The following TTF1 variants were observed in gnomAD, a reference collection of about 807,000 sequenced individuals.
TTF1 encodes the protein transcription termination factor 1.
In TTF1, 64 loss-of-function variants were observed where a neutral mutation model predicts 80.2. The ratio of observed to expected loss-of-function variants is 0.80; its 90% CI spans 0.65 to 0.98. The LOEUF (loss-of-function observed/expected upper bound fraction) is 0.98, where lower values mean the gene tolerates loss of function less well. Among genes scored for constraint, TTF1 ranks in the 50% least tolerant of loss-of-function variants. The probability of loss-of-function intolerance (pLI) is 0.00; values close to 1 mark genes in which losing one functional copy is unlikely to be tolerated. For synonymous variants in TTF1, 372 were observed against 382.7 expected, an observed-to-expected ratio of 0.97 and a Z score of 0.33; for missense variants, 1,023 against 1,086.2, an observed-to-expected ratio of 0.94 and a Z score of 0.82.
rs1171690548 is a variant in TTF1 at position 132,401,478 on chromosome 9, G to A, written c.1344C>T (p.Ser448=). The change falls in exon 2 of 11, where the codon AGC becomes AGT. Residue 448 remains serine, a synonymous_variant. Coordinates refer to ENST00000334270, the MANE Select transcript of TTF1 (RefSeq NM_007344.4). ...ACCTTGGCGCCTCTTGCACGTGCTT[G>A]CTTGCCAAACAGGCCTGGGTTTTCT... ...RQKKTQACLA[S]KHVQEAPRLE... is the part of the protein sequence containing the mutation. The A allele has an allele frequency of 1.2e-6, 2 of 1,612,116 alleles. No homozygotes were observed. The highest frequency in any genetic ancestry group is 1.7e-5 in the Admixed American group (1 of 59,682).
intron 5 of TTF1, among the ~76,000 whole-genome samples, chr9:132,394,211 A>C (rs949466264): frequency 1.3e-5 from 2 of 151,692 alleles, no homozygotes; most frequent in Non-Finnish European, 2.9e-5. Context: ...AAAAACAAAC[A>C]ATAACATCGG....
At chr9:132,391,630 G>GGACTGTCTTCT (rs1849560148) in intron 6 of TTF1, among the ~76,000 whole-genome samples, 2 of 152,186 alleles carry the variant, frequency 1.3e-5, no homozygotes. Flanking sequence ...AACCCGGTCA[G>GGACTGTCTTCT]GACTGTCTTC....
At chr9:132,382,122 G>C (rs1849380833) in intron 9 of TTF1, among the ~76,000 whole-genome samples, 1 of 152,230 alleles carries the variant, frequency 6.6e-6, no homozygotes, top group Non-Finnish European at 1.5e-5. Context: ...GATATCGAGA[G>C]TGGTGGGCCC....
In TTF1 at chr9:132,402,484, T is replaced by C. The variant is rs748936244; in HGVS notation, c.338A>G (p.Asn113Ser). Residue 113 changes from asparagine to serine, a missense_variant, in exon 2 of 11, where the codon AAC (asparagine) becomes AGC (serine). Physicochemically the swap from Asn to Ser is conservative, Grantham distance 46. Transcript: ENST00000334270. ...TVVLVDKENI[N>S]NTPKHFRKDV... is the part of the protein sequence containing the mutation. Reference sequence around the variant, plus strand: ...CTTTCTAAAATGCTTTGGTGTGTTGTTAATATTTTCTTTATCCACAAGGAC... The same window carrying C: ...CTTTCTAAAATGCTTTGGTGTGTTGCTAATATTTTCTTTATCCACAAGGAC... 3 of 1,614,210 alleles carry C rather than the reference T, an allele frequency of 1.9e-6. No individual in the cohort carries two copies. The highest frequency in any genetic ancestry group is 2.2e-5 in the South Asian group (2 of 91,078).
Position 132,398,209 on chromosome 9 carries a change from T to G in TTF1, c.1709A>C (p.Asp570Ala). 1 of 1,600,180 alleles carries G rather than the reference T, an allele frequency of 6.2e-7. No homozygotes were observed. The highest frequency in any genetic ancestry group is 1.8e-5 in the Admixed American group (1 of 55,036). Residue 570 changes from aspartate to alanine, a missense_variant, in exon 4 of 11, where the codon GAC (aspartate) becomes GCC (alanine). Transcript: ENST00000334270. The part of the protein sequence containing the change: ...IESADKLLYT[D>A]RYPEEKSVIT... ...CACAGATTTTTCCTCAGGATATCTG[T>G]CCGTGTACAGCAGCTTGTCTGCACT...
At position 132,401,683 on chromosome 9, in the gene TTF1, T is replaced by C; in HGVS notation, c.1139A>G (p.Lys380Arg). The C allele has an allele frequency of 6.2e-7, 1 of 1,614,266 alleles. No homozygotes were observed. The highest frequency in any genetic ancestry group is 8.5e-7 in the Non-Finnish European group (1 of 1,180,048). The change falls in exon 2 of 11, where the codon AAG (lysine) becomes AGG (arginine). Residue 380 changes from lysine (K) to arginine (R), a missense_variant. Physicochemically the swap from Lys to Arg is conservative, Grantham distance 26. Transcript: ENST00000334270. ...CTTCTTCTTTGTACTGTTGGATTCC[T>C]TGAACCCTTTAAGAGCTGTACTGCC... is the stretch of plus-strand genomic sequence containing the variant. Reference protein sequence around the residue: ...VEGSTALKGFKESNSTKKKSK... With the variant: ...VEGSTALKGFRESNSTKKKSK...
intron 4 of TTF1, 150 bp from the exon 5 acceptor site, chr9:132,396,661 G>GTT: frequency 1.8e-6 from 1 of 568,202 alleles, no homozygotes; most frequent in South Asian, 2.1e-5. Context: ...AAGCTGTCTT[G>GTT]TTTTTTTTGT....
At chr9:132,380,288 A>G (rs963456411) in intron 9 of TTF1, among the ~76,000 whole-genome samples, 15 of 152,146 alleles carry the variant, frequency 9.9e-5, no homozygotes, top group African/African-American at 3.6e-4. Flanking sequence ...CATGCTGGCC[A>G]GACTGGTCTT....
intron 7 of TTF1, 76 bp downstream of exon 7, chr9:132,390,521 T>C (rs1589820930): frequency 7.0e-7 from 1 of 1,432,860 alleles, no homozygotes; most frequent in Non-Finnish European, 9.7e-7. Flanking sequence ...CCCACGGCAG[T>C]TACACAGATA....
At position 132,401,618 on chromosome 9, in the gene TTF1, C is replaced by T. The variant is rs1163589277; in HGVS notation, c.1204G>A (p.Val402Met). 6.2e-7 allele frequency: 1 copy of T among 1,614,192 alleles called. No homozygotes were observed. Among genetic ancestry groups the T allele is most frequent in the Admixed American group, 1.7e-5 (1 of 60,016 alleles). The part of the protein sequence containing the change: ...RKLTSVKRAR[V>M]SGDDFSVPSK... ...GGCACTGAAAAATCATCACCAGACA[C>T]TCGTGCCCTTTTGACAGACGTAAGC... Residue 402 changes from valine to methionine, a missense_variant, in exon 2 of 11, where the codon GTG becomes ATG. Physicochemically the swap from Val to Met is conservative, Grantham distance 21. Coordinates refer to ENST00000334270, the MANE Select transcript of TTF1 (RefSeq NM_007344.4).
intron 5 of TTF1, among the ~76,000 whole-genome samples, chr9:132,395,853 G>A (rs1849638521): frequency 6.6e-6 from 1 of 152,186 alleles, no homozygotes; most frequent in Non-Finnish European, 1.5e-5. Flanking sequence ...CCTGAGCAGA[G>A]TGCTAACGTG....
Position 132,401,461 on chromosome 9 carries a change from G to A in TTF1, c.1361C>T (p.Ala454Val), listed in dbSNP as rs141255148. Residue 454 changes from alanine (A) to valine (V), a missense_variant, in exon 2 of 11, where the codon GCG becomes GTG. Coordinates refer to ENST00000334270, the MANE Select transcript of TTF1 (RefSeq NM_007344.4). ...ACLASKHVQE[A>V]PRLEPANEEH... is the part of the protein sequence containing the mutation. ...AATACCACTCCCTCGTTACCTTGGC[G>A]CCTCTTGCACGTGCTTGCTTGCCAA... The A allele has an allele frequency of 9.3e-5, 149 of 1,605,590 alleles. 1 individual carries two copies. In the African/African-American group the frequency reaches 1.4e-3, roughly 15 times the overall value.
rs199624182 is a variant in TTF1 at position 132,401,850 on chromosome 9, T to C, written c.972A>G (p.Pro324=). The C allele has an allele frequency of 5.6e-5, 91 of 1,614,016 alleles. No homozygotes were observed. The East Asian group carries it at 2.0e-3, about 35-fold the overall frequency. ...VGLHGETAGI[P]APAYKNKSKK... ...TAGACTTGTTTTTATAAGCAGGTGC[T>C]GGTATTCCTGCAGTTTCACCATGCA... Residue 324 remains proline, a synonymous_variant, in exon 2 of 11, where the codon CCA becomes CCG. Coordinates refer to ENST00000334270, the MANE Select transcript of TTF1 (RefSeq NM_007344.4).
At chr9:132,389,182 CTTTTT>C (rs548985050) in intron 7 of TTF1, among the ~76,000 whole-genome samples, 1 of 135,134 alleles carries the variant, frequency 7.4e-6, no homozygotes. Context: ...CTCACTCTTC[CTTTTT>C]TTTTTTTTTT....
At chr9:132,378,411 T>G (rs937448768) in intron 10 of TTF1, among the ~76,000 whole-genome samples, 1 of 103,792 alleles carries the variant, frequency 9.6e-6, no homozygotes, top group Non-Finnish European at 1.9e-5. Flanking sequence ...TGTGAGTGCA[T>G]GTGGTGTGAG....
intron 5 of TTF1, among the ~76,000 whole-genome samples, chr9:132,393,274 C>CCG (rs1005466418): frequency 2.0e-5 from 3 of 151,856 alleles, no homozygotes; most frequent in African/African-American, 4.8e-5. Context: ...AGCAAGCCCC[C>CCG]CCCGCAAACT....
intron 3 of TTF1, 35 bp downstream of exon 3, chr9:132,400,000 G>C (rs760041938): frequency 6.2e-7 from 1 of 1,607,710 alleles, no homozygotes; most frequent in Non-Finnish European, 8.5e-7. Flanking sequence ...CTGCATACAG[G>C]AAGTTCAACA....
At chr9:132,400,413 T>C (rs1373293406) in intron 2 of TTF1, among the ~76,000 whole-genome samples, 155 bp from the exon 3 acceptor site, 1 of 152,168 alleles carries the variant, frequency 6.6e-6, no homozygotes, top group African/African-American at 2.4e-5. Context: ...AACTTCTGCC[T>C]CCCGGTTCAA....
chr9:132,396,451 A>T lies in TTF1; in HGVS notation c.1838T>A (p.Val613Asp), dbSNP rs1273460298. The change falls in exon 5 of 11, where the codon GTC (valine) becomes GAC (aspartate). Residue 613 changes from valine to aspartate, a missense_variant. Physicochemically the swap from Val to Asp is radical, Grantham distance 152. Transcript: ENST00000334270. Reference protein sequence around the residue: ...IYYRAKKMFDVNNYKGRYSEG... With the variant: ...IYYRAKKMFDDNNYKGRYSEG... Reference sequence around the variant, plus strand: ...TTCTTACCTGCCTTTGTAATTGTTGACATCGAACATCTTCTTTGCTCGATA... The same window carrying T: ...TTCTTACCTGCCTTTGTAATTGTTGTCATCGAACATCTTCTTTGCTCGATA... The T allele has an allele frequency of 1.9e-6, 3 of 1,614,086 alleles. No individual in the cohort carries two copies. The highest frequency in any genetic ancestry group is 2.5e-6 in the Non-Finnish European group (3 of 1,180,040).
Sources: allele counts gnomAD v4.1 joint callset (sites outside exome capture counted in the v4.1 genomes callset), GRCh38; gene constraint gnomAD v4.1.1; transcripts MANE v1.5; gene names NCBI Gene and HGNC (gene_info 2026-07-23, HGNC 2026-07-21).